TCERG1: variants seen among roughly 807,000 people sequenced by gnomAD.
The protein encoded by TCERG1 is transcription elongation regulator 1.
TCERG1 carries 37 observed loss-of-function variants against 144.7 expected under a neutral mutation model. That is an observed-to-expected ratio of 0.26 (90% CI 0.20 to 0.34). The LOEUF is 0.34. TCERG1 is among the 10% of genes least tolerant of loss of function. TCERG1 has a pLI of 1.00. For synonymous variants in TCERG1, 492 were observed against 458.2 expected (o/e 1.07, Z -0.94); for missense variants, 1,027 against 1,380.7 (o/e 0.74, Z 4.06).
intron 1 of TCERG1, among the ~76,000 whole-genome samples, chr5:146,454,010 T>A (rs941777746): frequency 1.4e-5 from 2 of 141,040 alleles, no homozygotes; most frequent in South Asian, 4.4e-4. Flanking sequence ...ATTGCCAACA[T>A]GGTGAAACCC....
chr5:146,489,928 ATTAATC>A (rs1766234435), intron 15 of TCERG1, among the ~76,000 whole-genome samples: 2 of 152,314 alleles, frequency 1.3e-5, no homozygotes, highest in South Asian at 2.1e-4. Context: ...TCTATGAGAT[ATTAATC>A]TTAGAGAGTG....
intron 9 of TCERG1, 158 bp from the exon 10 acceptor site, chr5:146,478,335 G>T: frequency 1.5e-6 from 1 of 678,868 alleles, no homozygotes; most frequent in East Asian, 3.3e-5. Flanking sequence ...CAGTTATCTT[G>T]TAAAAACCAT....
At chr5:146,479,480 A>G (rs1298756842) in intron 10 of TCERG1, among the ~76,000 whole-genome samples, 1 of 152,162 alleles carries the variant, frequency 6.6e-6, no homozygotes, top group African/African-American at 2.4e-5. Context: ...CTTTATAACT[A>G]TGGTATTGAA....
chr5:146,483,666 T>C (rs766199861), intron 15 of TCERG1, 37 bp downstream of exon 15: 231 of 1,490,208 alleles, frequency 1.6e-4, no homozygotes, highest in Non-Finnish European at 2.0e-4. Context: ...AATGTATATC[T>C]CTTGCCAACA....
At chr5:146,487,467 ATAGG>A in intron 15 of TCERG1, among the ~76,000 whole-genome samples, 1 of 152,076 alleles carries the variant, frequency 6.6e-6, no homozygotes, top group Non-Finnish European at 1.5e-5. Flanking sequence ...AAAAATCTGG[ATAGG>A]CAAGGTGGCT....
intron 1 of TCERG1, among the ~76,000 whole-genome samples, chr5:146,450,263 G>T (rs1015005490): frequency 6.6e-6 from 1 of 152,186 alleles, no homozygotes; most frequent in South Asian, 2.1e-4. Flanking sequence ...AAAACAGTTT[G>T]AGGTGACATT....
At chr5:146,499,470 CT>C (rs1767235785) in intron 17 of TCERG1, 1 of 152,132 alleles carries the variant, frequency 6.6e-6, no homozygotes, top group Non-Finnish European at 1.5e-5. Context: ...GCTAAAACAG[CT>C]TTTATCAGAA....
chr5:146,460,746 CG>C (rs1295572007), intron 4 of TCERG1, among the ~76,000 whole-genome samples: 1 of 152,038 alleles, frequency 6.6e-6, no homozygotes, highest in African/African-American at 2.4e-5. Flanking sequence ...CATTTTGTAG[CG>C]GGGGAATGTA....
rs570859364 is a variant in TCERG1 at position 146,468,577 on chromosome 5, A to C, written c.1198+174A>C. On this transcript the variant is annotated intron_variant, in intron 6 of 22. Transcript: ENST00000679501. ...ATTTGGCCAACACTTAATTTTCCCA[A>C]TTGCCTGTAGTATTAGCTTCTTTGG... Among the ~76,000 whole-genome samples the C allele has an allele frequency of 2.6e-5, 4 of 152,302 alleles. No individual in the cohort carries two copies. In the South Asian group the frequency reaches 8.3e-4, roughly 32 times the overall value.
chr5:146,449,766 G>A (rs1027740766), intron 1 of TCERG1, among the ~76,000 whole-genome samples: 3 of 152,172 alleles, frequency 2.0e-5, no homozygotes, highest in Admixed American at 1.3e-4. Context: ...ACAATAGATG[G>A]AAAATTTATA....
At chr5:146,492,751 T>C (rs1338060597) in intron 15 of TCERG1, 169 bp from the exon 16 acceptor site, 6 of 471,384 alleles carry the variant, frequency 1.3e-5, no homozygotes, top group South Asian at 3.7e-5. Flanking sequence ...TTGTGTAATA[T>C]CTCAGTGAAG....
At chr5:146,485,583 G>T (rs1765747794) in intron 15 of TCERG1, among the ~76,000 whole-genome samples, 1 of 152,094 alleles carries the variant, frequency 6.6e-6, no homozygotes, top group African/African-American at 2.4e-5. Flanking sequence ...GCTGATGGTG[G>T]TATCTCCTTA....
At position 146,511,841 on chromosome 5, in the gene TCERG1, T is replaced by C. The variant is rs1189696900; in HGVS notation, c.*1199T>C. On this transcript the variant is annotated 3_prime_UTR_variant, in exon 23 of 23. Transcript: ENST00000679501. Reference sequence around the variant, plus strand: ...TCAACATGTCGTGTACATCACACCATGAATCAGTTCCTAATTGATATATCT... The same window carrying C: ...TCAACATGTCGTGTACATCACACCACGAATCAGTTCCTAATTGATATATCT... 1.3e-5 allele frequency: 2 copies of C among 151,854 alleles called. No individual in the cohort carries two copies. The highest frequency in any genetic ancestry group is 2.9e-5 in the Non-Finnish European group (2 of 67,988). The allele number at this position is 151,854 out of a possible 1,614,324, so 9.4% of individuals were successfully genotyped here.
chr5:146,484,079 A>G (rs1316404534), intron 15 of TCERG1, among the ~76,000 whole-genome samples: 1 of 152,104 alleles, frequency 6.6e-6, no homozygotes, highest in African/African-American at 2.4e-5. Context: ...CTTGACCATT[A>G]TGTGTCAGTA....
At position 146,510,710 on chromosome 5, in the gene TCERG1, A is replaced by G. The variant is rs967689130; in HGVS notation, c.*68A>G. The G allele has an allele frequency of 2.6e-5, 38 of 1,481,850 alleles. No individual in the cohort carries two copies. Among genetic ancestry groups the G allele is most frequent in the Middle Eastern group, 1.9e-4 (1 of 5,296 alleles). 91.8% of individuals were successfully genotyped at this position (1,481,850 alleles called of 1,614,324 possible). On this transcript the variant is annotated 3_prime_UTR_variant, in exon 23 of 23. Transcript: ENST00000679501. ...CATGAGCCAATTTTCAGGTTTTTAC[A>G]TATATGTGCATTAGTCAACCTATTG... is the stretch of plus-strand genomic sequence containing the variant.
At chr5:146,492,849 G>A (rs1766555392) in intron 15 of TCERG1, 71 bp from the exon 16 acceptor site, 2 of 1,065,780 alleles carry the variant, frequency 1.9e-6, no homozygotes, top group East Asian at 2.5e-5. Flanking sequence ...CAAAGACATT[G>A]TCCAATAATT....
intron 1 of TCERG1, among the ~76,000 whole-genome samples, chr5:146,453,812 C>A (rs1043258495): frequency 1.1e-4 from 16 of 151,932 alleles, no homozygotes; most frequent in African/African-American, 3.9e-4. Context: ...GACTCTTTAA[C>A]CTTTTTTAAT....
intron 3 of TCERG1, among the ~76,000 whole-genome samples, 157 bp from the exon 4 acceptor site, chr5:146,458,727 C>T (rs1159898239): frequency 6.6e-6 from 1 of 152,102 alleles, no homozygotes; most frequent in African/African-American, 2.4e-5. Flanking sequence ...GATCCACCTG[C>T]CTCTGCCTCC....
In TCERG1 at chr5:146,463,719, C is replaced by T; in HGVS notation, c.1061C>T (p.Ala354Val). The T allele has an allele frequency of 6.2e-7, 1 of 1,614,214 alleles. No homozygotes were observed. Among genetic ancestry groups the T allele is most frequent in the East Asian group, 2.2e-5 (1 of 44,890 alleles). The change falls in exon 5 of 23, where the codon GCA becomes GTA. Residue 354 changes from alanine (A) to valine (V), a missense_variant. This residue lies in a region of TCERG1 where 187 missense variants were observed against 169.1 expected (regional missense o/e 1.11). Transcript: ENST00000679501. ...CATTCAGTACCTCAGCCAACAACAG[C>T]AATACCTGCTTTTCCACCAGTAATG... ...VPHSVPQPTT[A>V]IPAFPPVMVP...
Sources: gnomAD v4.1 joint callset for allele counts (sites outside exome capture counted in the v4.1 genomes callset) on GRCh38, gnomAD v4.1.1 for gene constraint, gnomAD v4.1.1 regional missense constraint, MANE v1.5 for transcripts, NCBI Gene and HGNC (gene_info 2026-07-23, HGNC 2026-07-21) for gene names.